The following KCNIP4 variants were observed in gnomAD, a reference collection of about 807,000 sequenced individuals.
KCNIP4 encodes the protein potassium voltage-gated channel interacting protein 4, also known as Kv channel-interacting protein 4.
In KCNIP4, 12 loss-of-function variants were observed where a neutral mutation model predicts 34.0. That is an observed-to-expected ratio of 0.35 (90% CI 0.23 to 0.57). KCNIP4 has a LOEUF of 0.57. Among genes scored for constraint, KCNIP4 ranks in the 20% least tolerant of loss-of-function variants. The pLI is 0.83. For missense variants in KCNIP4, 238 were observed against 311.7 expected, an observed-to-expected ratio of 0.76 and a Z score of 1.78; for synonymous variants, 124 against 102.2, an observed-to-expected ratio of 1.21 and a Z score of -1.29.
intron 1 of KCNIP4, among the ~76,000 whole-genome samples, chr4:21,095,061 G>A (rs1331542646): frequency 1.3e-5 from 2 of 152,188 alleles, no homozygotes; most frequent in Admixed American, 6.6e-5. Context: ...TGGATGTGAA[G>A]GCAAGGGGTG....
At chr4:21,918,345 G>A (rs1053829042) in intron 1 of KCNIP4, among the ~76,000 whole-genome samples, 2 of 152,144 alleles carry the variant, frequency 1.3e-5, no homozygotes, top group Non-Finnish European at 2.9e-5. Flanking sequence ...GGGAGATATA[G>A]GAAAACTGGA....
At chr4:20,907,492 A>G (rs911618123) in intron 1 of KCNIP4, among the ~76,000 whole-genome samples, 1 of 152,248 alleles carries the variant, frequency 6.6e-6, no homozygotes, top group African/African-American at 2.4e-5. Context: ...ATCAAAACAT[A>G]TTCAAAACTA....
intron 1 of KCNIP4, among the ~76,000 whole-genome samples, chr4:21,086,968 C>G (rs1212197562): frequency 7.1e-6 from 1 of 141,404 alleles, no homozygotes; most frequent in Admixed American, 7.1e-5. Flanking sequence ...CCTTTTCCTT[C>G]CTCTCTCTCT....
chr4:21,856,518 C>G (rs377313042), intron 1 of KCNIP4, among the ~76,000 whole-genome samples: 8 of 152,310 alleles, frequency 5.3e-5, no homozygotes, highest in East Asian at 3.9e-4. Context: ...AGCTCCACCC[C>G]CTTCTGAGTT....
At chr4:21,272,615 A>G (rs765508007) in intron 1 of KCNIP4, among the ~76,000 whole-genome samples, 6 of 152,174 alleles carry the variant, frequency 3.9e-5, no homozygotes, top group Non-Finnish European at 8.8e-5. Flanking sequence ...AACAAAATGA[A>G]TGTACTTTGA....
chr4:21,396,813 A>C (rs1254942282), intron 1 of KCNIP4, among the ~76,000 whole-genome samples: 1 of 152,206 alleles, frequency 6.6e-6, no homozygotes, highest in Non-Finnish European at 1.5e-5. Flanking sequence ...AGAAGCTGGA[A>C]GAAGGCTAGA....
intron 1 of KCNIP4, among the ~76,000 whole-genome samples, chr4:21,898,154 A>AT (rs1560796390): frequency 2.0e-5 from 3 of 152,148 alleles, no homozygotes; most frequent in African/African-American, 7.2e-5. Flanking sequence ...CCTTGCCACC[A>AT]TGAGCTAAAG....
intron 1 of KCNIP4, among the ~76,000 whole-genome samples, chr4:21,656,237 C>A (rs1381726412): frequency 6.6e-6 from 1 of 152,136 alleles, no homozygotes; most frequent in African/African-American, 2.4e-5. Flanking sequence ...ACCTTCAGGT[C>A]CACATGGCAT....
intron 1 of KCNIP4, among the ~76,000 whole-genome samples, chr4:21,021,332 T>C (rs182192736): frequency 6.6e-6 from 1 of 152,306 alleles, no homozygotes; most frequent in East Asian, 1.9e-4. Flanking sequence ...TATTACTTTA[T>C]AAACATTGAA....
intron 1 of KCNIP4, among the ~76,000 whole-genome samples, chr4:21,701,160 C>A (rs1712803710): frequency 6.6e-6 from 1 of 151,950 alleles, no homozygotes; most frequent in Non-Finnish European, 1.5e-5. Context: ...AAGCACAGAA[C>A]AACGAATATA....
intron 1 of KCNIP4, among the ~76,000 whole-genome samples, chr4:21,030,728 A>C (rs1474494549): frequency 6.6e-6 from 1 of 152,190 alleles, no homozygotes; most frequent in Non-Finnish European, 1.5e-5. Context: ...ATAAATTACC[A>C]GACTTTGAGA....
chr4:21,850,043 CA>C (rs1255269678), intron 1 of KCNIP4: 1 of 151,740 alleles, frequency 6.6e-6, no homozygotes, highest in Non-Finnish European at 1.5e-5. Flanking sequence ...ATAGTAAGTC[CA>C]AGACAGAGTA....
intron 3 of KCNIP4, among the ~76,000 whole-genome samples, chr4:20,811,110 G>A (rs879428982): frequency 6.6e-6 from 1 of 152,130 alleles, no homozygotes; most frequent in Non-Finnish European, 1.5e-5. Flanking sequence ...TGTTAATAGG[G>A]AAACTTTTTA....
At chr4:21,152,485 A>T (rs1327435680) in intron 1 of KCNIP4, among the ~76,000 whole-genome samples, 4 of 151,980 alleles carry the variant, frequency 2.6e-5, no homozygotes, top group Non-Finnish European at 5.9e-5. Flanking sequence ...CTGCCCCACC[A>T]AACTCATAAT....
intron 2 of KCNIP4, among the ~76,000 whole-genome samples, chr4:20,870,701 T>A (rs557036080): frequency 2.6e-5 from 4 of 152,142 alleles, no homozygotes; most frequent in Non-Finnish European, 5.9e-5. Context: ...AAAAATCATC[T>A]TTTGGAATAG....
chr4:21,794,898 GAACAAACAAACAAATA>G (rs1181416812), intron 1 of KCNIP4, among the ~76,000 whole-genome samples: 1 of 151,826 alleles, frequency 6.6e-6, no homozygotes, highest in African/African-American at 2.4e-5. Context: ...ACCAAAAAAC[GAACAAACAAACAAATA>G]AACAAACGAA....
intron 1 of KCNIP4, among the ~76,000 whole-genome samples, chr4:21,020,117 C>A (rs147819885): frequency 0.015 from 2,259 of 152,258 alleles, 23 homozygotes; most frequent in Non-Finnish European, 0.024. Context: ...TCACATTATA[C>A]AGGTATAATA....
chr4:21,743,812 G>C (rs2109133176), intron 1 of KCNIP4, among the ~76,000 whole-genome samples: 1 of 149,036 alleles, frequency 6.7e-6, no homozygotes, highest in Non-Finnish European at 1.5e-5. Context: ...AAATTACACA[G>C]CTTTCTTCTT....
intron 1 of KCNIP4, among the ~76,000 whole-genome samples, chr4:21,246,437 T>A (rs959020922): frequency 3.3e-5 from 5 of 152,218 alleles, no homozygotes; most frequent in Non-Finnish European, 5.9e-5. Context: ...ACATGATTCA[T>A]CATTTGAACC....
Sources: gnomAD v4.1 joint callset for allele counts (sites outside exome capture counted in the v4.1 genomes callset) on GRCh38, gnomAD v4.1.1 for gene constraint, MANE v1.5 for transcripts, NCBI Gene and HGNC (gene_info 2026-07-23, HGNC 2026-07-21) for gene names.